Variants in PRSS55 observed in about 807,000 individuals in gnomAD.
PRSS55 encodes serine protease 55, also known as probable serine protease UNQ9391/PRO34284.
PRSS55 carries 41 observed loss-of-function variants against 23.6 expected under a neutral mutation model. That is an observed-to-expected ratio of 1.74 (90% CI 1.35 to 2.26). The LOEUF is 2.26. PRSS55 is among the 30% of genes most tolerant of loss of function. The probability of loss-of-function intolerance (pLI) is 0.00; values close to 1 mark genes in which losing one functional copy is unlikely to be tolerated. For missense variants in PRSS55, 669 were observed against 439.1 expected (o/e 1.52, Z -4.68); for synonymous variants, 262 against 175.5 (o/e 1.49, Z -3.90).
chr8:10,531,637 C>T (rs1812271306), intron 3 of PRSS55, 92 bp downstream of exon 3: 2 of 1,530,896 alleles, frequency 1.3e-6, no homozygotes, highest in Non-Finnish European at 1.8e-6. Context: ...ACAAGACTTG[C>T]ATTGGAGCAG....
chr8:10,536,489 A>G (rs1049984302), intron 4 of PRSS55, among the ~76,000 whole-genome samples: 4 of 152,236 alleles, frequency 2.6e-5, no homozygotes, highest in Non-Finnish European at 4.4e-5. Flanking sequence ...CACAACTACC[A>G]TTAAACCCAG....
chr8:10,538,800 AAT>A lies in PRSS55; in HGVS notation c.*9_*10del. 4 of 1,540,494 alleles carry A rather than the reference AAT, an allele frequency of 2.6e-6. No individual in the cohort carries two copies. The highest frequency in any genetic ancestry group is 3.5e-6 in the Non-Finnish European group (4 of 1,146,444). ...CAGAGCTATTTTGTACTGATAATAA[AAT>A]AGAGGCTATTCTTTCAACCGAGGGA... On this transcript the variant is annotated 3_prime_UTR_variant, in exon 5 of 5. Coordinates refer to ENST00000328655, the MANE Select transcript of PRSS55 (RefSeq NM_198464.4).
At position 10,533,017 on chromosome 8, in the gene PRSS55, G is replaced by A. The variant is rs1312221799; in HGVS notation, c.710G>A (p.Gly237Glu). The A allele has an allele frequency of 1.9e-6, 3 of 1,614,070 alleles. No homozygotes were observed. The highest frequency in any genetic ancestry group is 2.5e-6 in the Non-Finnish European group (3 of 1,180,044). Residue 237 changes from glycine to glutamate, a missense_variant, in exon 4 of 5, where the codon GGA (glycine) becomes GAA (glutamate). Coordinates refer to ENST00000328655, the MANE Select transcript of PRSS55 (RefSeq NM_198464.4). ...PKLTKNMLCAGYKNESYDACK... is the reference protein window; with the variant it reads ...PKLTKNMLCAEYKNESYDACK... Reference sequence around the variant, plus strand: ...CTTACCAAAAATATGCTGTGTGCCGGATACAAGAATGAGAGCTATGATGCC... The same window carrying A: ...CTTACCAAAAATATGCTGTGTGCCGAATACAAGAATGAGAGCTATGATGCC...
At chr8:10,542,654 G>T (rs1362057966), downstream of PRSS55, among the ~76,000 whole-genome samples, 2 of 151,860 alleles carry the variant, frequency 1.3e-5, no homozygotes, top group Non-Finnish European at 2.9e-5. Context: ...GATCACCTGA[G>T]TTCAGGAGTT....
intron 4 of PRSS55, among the ~76,000 whole-genome samples, chr8:10,536,173 C>T (rs962679084): frequency 5.3e-5 from 8 of 151,976 alleles, no homozygotes; most frequent in Middle Eastern, 3.4e-3. Context: ...GGTGACAGAG[C>T]GAGACTCTGT....
chr8:10,537,672 T>C (rs891149613), intron 4 of PRSS55, among the ~76,000 whole-genome samples: 3 of 152,244 alleles, frequency 2.0e-5, no homozygotes, highest in Admixed American at 6.5e-5. Context: ...ATTTAATTAC[T>C]GCACATTGTA....
At chr8:10,529,252 G>A (rs549101324) in intron 1 of PRSS55, among the ~76,000 whole-genome samples, 30 of 152,318 alleles carry the variant, frequency 2.0e-4, no homozygotes, top group Non-Finnish European at 4.0e-4. Context: ...CTCTCCTGAG[G>A]TCACAAATGC....
At chr8:10,551,630 C>T (rs903201910) in intron 4 of PRSS55, among the ~76,000 whole-genome samples, 23 of 152,218 alleles carry the variant, frequency 1.5e-4, no homozygotes, top group Admixed American at 3.3e-4. Context: ...CTAACCCTGG[C>T]AACGCTGACC....
intron 4 of PRSS55, among the ~76,000 whole-genome samples, chr8:10,547,988 CTCCT>C (rs941593369): frequency 1.1e-4 from 17 of 152,066 alleles, no homozygotes; most frequent in African/African-American, 4.1e-4. Flanking sequence ...GGAGGAGGGA[CTCCT>C]TCCTACCCCA....
rs1563543593 is a variant in PRSS55, at chr8:10,538,632, C to G, written c.898C>G (p.Gln300Glu). ...NYNLWIEKVTQLEGRPFNAEK... is the reference protein window; with the variant it reads ...NYNLWIEKVTELEGRPFNAEK... ...CAACCTCTGGATCGAGAAAGTGACCCAGCTAGAGGGCAGGCCCTTCAATGC... is the reference window on the plus strand; with the variant it reads ...CAACCTCTGGATCGAGAAAGTGACCGAGCTAGAGGGCAGGCCCTTCAATGC... Residue 300 changes from glutamine to glutamate, a missense_variant, in exon 5 of 5, where the codon CAG (glutamine) becomes GAG (glutamate). Transcript: ENST00000328655. 6.2e-7 allele frequency: 1 copy of G among 1,614,132 alleles called. No individual in the cohort carries two copies. Among genetic ancestry groups the G allele is most frequent in the South Asian group, 1.1e-5 (1 of 91,074 alleles).
In PRSS55 at chr8:10,531,669, A is replaced by C. The variant is rs927830618; in HGVS notation, c.598+124A>C. 16 of 1,382,586 alleles carry C rather than the reference A, an allele frequency of 1.2e-5. No individual in the cohort carries two copies. In the African/African-American group the frequency reaches 1.6e-4, roughly 14 times the overall value. The allele number at this position is 1,382,586 out of a possible 1,614,324, so 85.6% of individuals were successfully genotyped here. On this transcript the variant is annotated intron_variant, in intron 3 of 4. Coordinates refer to ENST00000328655, the MANE Select transcript of PRSS55 (RefSeq NM_198464.4). ...GCAGATTCCCGCTCAGTGGAGTCTC[A>C]CAGTGCCCAAAGTTTAGCTCCTTTT...
chr8:10,538,408 G>C (rs748998845), intron 4 of PRSS55, 68 bp from the exon 5 acceptor site: 135 of 1,229,438 alleles, frequency 1.1e-4, no homozygotes, highest in Non-Finnish European at 1.4e-4. Flanking sequence ...CCATGAATGA[G>C]CTGTGCCCAG....
Position 10,525,721 on chromosome 8 carries a change from C to G in PRSS55, c.136C>G (p.Pro46Ala), listed in dbSNP as rs79049699. The G allele has an allele frequency of 0.076, 122,265 of 1,605,976 alleles. 5,286 individuals are homozygous for G. The highest frequency in any genetic ancestry group is 0.087 in the Non-Finnish European group (102,308 of 1,175,440). ...RGAHRPQPPH[P>A]PSPVSECGDR... ...AGCCCACCGCCCTCAGCCCCCTCATCCCCCCAGCCCAGTCAGTGGTGAGTA... is the reference window on the plus strand; with the variant it reads ...AGCCCACCGCCCTCAGCCCCCTCATGCCCCCAGCCCAGTCAGTGGTGAGTA... Residue 46 changes from proline (P) to alanine (A), a missense_variant, in exon 1 of 5, where the codon CCC becomes GCC. By Grantham distance (27) the Pro-to-Ala change is conservative. Transcript: ENST00000328655.
intron 1 of PRSS55, among the ~76,000 whole-genome samples, chr8:10,529,149 G>A (rs1364462737): frequency 6.6e-6 from 1 of 152,196 alleles, no homozygotes; most frequent in Non-Finnish European, 1.5e-5. Context: ...CTCTTTGGGG[G>A]CTATTGTCCT....
exon 5 of PRSS55, chr8:10,553,969 A>G (rs1332805411): frequency 2.6e-6 from 4 of 1,528,868 alleles, no homozygotes; most frequent in Non-Finnish European, 3.5e-6. Flanking sequence ...CTTTACAAAG[A>G]ATGAACACCG....
intron 4 of PRSS55, among the ~76,000 whole-genome samples, chr8:10,544,592 C>T (rs1812766942): frequency 6.6e-6 from 1 of 152,088 alleles, no homozygotes; most frequent in South Asian, 2.1e-4. Context: ...GTCCCTCTGA[C>T]CTTCCTTTAT....
At chr8:10,548,622 C>A (rs1732366316) in intron 4 of PRSS55, among the ~76,000 whole-genome samples, 1 of 152,116 alleles carries the variant, frequency 6.6e-6, no homozygotes, top group East Asian at 1.9e-4. Flanking sequence ...TTAGCCCCGG[C>A]CATTCCCCCT....
intron 4 of PRSS55, among the ~76,000 whole-genome samples, chr8:10,546,469 C>G (rs1812820568): frequency 6.6e-6 from 1 of 152,160 alleles, no homozygotes; most frequent in Admixed American, 6.5e-5. Flanking sequence ...CAGCTAGTTG[C>G]ACTTTTGAAT....
intron 4 of PRSS55, 115 bp downstream of exon 4, chr8:10,533,163 G>A: frequency 8.8e-7 from 1 of 1,139,146 alleles, no homozygotes; most frequent in Non-Finnish European, 1.2e-6. Flanking sequence ...AAAATGTATG[G>A]GAATTAGGGC....
Sources: allele counts gnomAD v4.1 joint callset (sites outside exome capture counted in the v4.1 genomes callset), GRCh38; gene constraint gnomAD v4.1.1; transcripts MANE v1.5; gene names NCBI Gene and HGNC (gene_info 2026-07-23, HGNC 2026-07-21).